CACNA2D1: variants seen among roughly 807,000 people sequenced by gnomAD.
CACNA2D1 encodes the protein calcium voltage-gated channel auxiliary subunit alpha2delta 1.
A neutral mutation model predicts 171.5 loss-of-function variants in CACNA2D1; 53 were observed. That is an observed-to-expected ratio of 0.31 (90% CI 0.25 to 0.39). The LOEUF is 0.39. Among genes scored for constraint, CACNA2D1 ranks in the 10% least tolerant of loss-of-function variants. The pLI, the probability that CACNA2D1 is intolerant of heterozygous loss-of-function variation, is 1.00. For missense variants in CACNA2D1, 903 were observed against 1,299.8 expected (o/e 0.69, Z 4.69); for synonymous variants, 442 against 443.1 (o/e 1.00, Z 0.03).
chr7:82,081,743 C>T (rs577663084), intron 7 of CACNA2D1, among the ~76,000 whole-genome samples: 8 of 152,310 alleles, frequency 5.3e-5, no homozygotes, highest in East Asian at 1.9e-4. Context: ...TGCTTGGGTC[C>T]GGGTTCACCG....
chr7:81,954,195 C>G (rs375596193), intron 38 of CACNA2D1, among the ~76,000 whole-genome samples: 10 of 151,772 alleles, frequency 6.6e-5, no homozygotes, highest in Admixed American at 2.6e-4. Flanking sequence ...GACACCATGA[C>G]CAGATATAAT....
At chr7:82,443,186 A>C (rs1158594955) in intron 1 of CACNA2D1, among the ~76,000 whole-genome samples, 179 bp downstream of exon 1, 1 of 151,764 alleles carries the variant, frequency 6.6e-6, no homozygotes, top group Non-Finnish European at 1.5e-5. Context: ...TTCGGGACGC[A>C]TTCCAGCGGC....
intron 26 of CACNA2D1, chr7:81,971,078 A>G (rs1438708735): frequency 7.5e-6 from 2 of 265,138 alleles, no homozygotes; most frequent in Non-Finnish European, 1.5e-5. Flanking sequence ...AAAAAAACGT[A>G]AGACAAAAGG....
chr7:82,229,033 T>G (rs1236879237), intron 3 of CACNA2D1, among the ~76,000 whole-genome samples: 1 of 152,172 alleles, frequency 6.6e-6, no homozygotes, highest in Non-Finnish European at 1.5e-5. Flanking sequence ...TTTAAAAAAT[T>G]TGGTAGCATT....
At chr7:82,403,393 T>C (rs3801670) in intron 1 of CACNA2D1, among the ~76,000 whole-genome samples, 7,140 of 152,214 alleles carry the variant, frequency 0.047, 186 homozygotes, top group Middle Eastern at 0.065. Flanking sequence ...CTCTTTTTGG[T>C]CGGTTGTAAA....
intron 3 of CACNA2D1, among the ~76,000 whole-genome samples, chr7:82,285,133 G>A (rs1810596442): frequency 6.6e-6 from 1 of 151,868 alleles, no homozygotes; most frequent in Admixed American, 6.6e-5. Context: ...CCTCCTCTCT[G>A]ATTCCCCTCT....
At chr7:81,951,261 T>C (rs1792486763) in intron 38 of CACNA2D1, among the ~76,000 whole-genome samples, 1 of 152,146 alleles carries the variant, frequency 6.6e-6, no homozygotes, top group African/African-American at 2.4e-5. Context: ...ATTCATCTTT[T>C]ATTCCTAGGT....
At chr7:82,121,719 A>T in intron 5 of CACNA2D1, among the ~76,000 whole-genome samples, 1 of 151,666 alleles carries the variant, frequency 6.6e-6, no homozygotes, top group East Asian at 1.9e-4. Context: ...AACAAAAAAT[A>T]AAATTTTGAA....
chr7:82,249,704 C>A (rs1248757671), intron 3 of CACNA2D1, among the ~76,000 whole-genome samples: 1 of 152,198 alleles, frequency 6.6e-6, no homozygotes, highest in African/African-American at 2.4e-5. Flanking sequence ...TATTAAAATA[C>A]CCTTGATGTG....
chr7:82,104,058 T>C (rs1813020675), intron 6 of CACNA2D1, among the ~76,000 whole-genome samples: 1 of 152,082 alleles, frequency 6.6e-6, no homozygotes, highest in Non-Finnish European at 1.5e-5. Flanking sequence ...CTAAAAGTTT[T>C]ATTCACAAGC....
At chr7:82,437,686 T>C (rs1317466836) in intron 1 of CACNA2D1, among the ~76,000 whole-genome samples, 1 of 130,110 alleles carries the variant, frequency 7.7e-6, no homozygotes, top group Non-Finnish European at 1.8e-5. Context: ...TCCTCGTTCA[T>C]AACCTGTACA....
intron 1 of CACNA2D1, among the ~76,000 whole-genome samples, chr7:82,417,824 T>G (rs1052207469): frequency 3.9e-5 from 6 of 152,136 alleles, no homozygotes; most frequent in African/African-American, 1.4e-4. Flanking sequence ...AAGGGGGAGA[T>G]CAGTGTGTGA....
intron 6 of CACNA2D1, among the ~76,000 whole-genome samples, chr7:82,115,183 A>G (rs960131739): frequency 1.2e-4 from 19 of 152,310 alleles, no homozygotes; most frequent in Non-Finnish European, 2.4e-4. Flanking sequence ...TTTTCTTCCA[A>G]TTGGAATTCA....
intron 3 of CACNA2D1, among the ~76,000 whole-genome samples, chr7:82,229,512 C>T (rs1802682233): frequency 6.6e-6 from 1 of 151,714 alleles, no homozygotes; most frequent in Admixed American, 6.6e-5. Context: ...TTTTTTTGGT[C>T]TCTGCTTCCA....
chr7:82,022,861 A>C (rs984703293), intron 12 of CACNA2D1, among the ~76,000 whole-genome samples: 3 of 151,890 alleles, frequency 2.0e-5, no homozygotes, highest in African/African-American at 7.2e-5. Context: ...CTTTATTTTG[A>C]AAGTTATTTC....
intron 3 of CACNA2D1, among the ~76,000 whole-genome samples, chr7:82,243,004 T>C (rs1263707989): frequency 1.3e-5 from 2 of 152,138 alleles, no homozygotes; most frequent in Non-Finnish European, 2.9e-5. Context: ...TTTTAAAGTA[T>C]TCAAAAACTG....
chr7:82,256,552 C>A (rs555818690), intron 3 of CACNA2D1, among the ~76,000 whole-genome samples: 1 of 152,186 alleles, frequency 6.6e-6, no homozygotes, highest in East Asian at 1.9e-4. Flanking sequence ...TAGGAAAATA[C>A]AGGCACACAC....
At chr7:82,346,942 T>C (rs117054034) in intron 2 of CACNA2D1, among the ~76,000 whole-genome samples, 5,500 of 152,328 alleles carry the variant, frequency 0.036, 143 homozygotes, top group Non-Finnish European at 0.051. Context: ...AATAGTTGTG[T>C]AACTTAGAAC....
chr7:82,281,395 G>A (rs539037452), intron 3 of CACNA2D1, among the ~76,000 whole-genome samples: 1 of 152,312 alleles, frequency 6.6e-6, no homozygotes, highest in East Asian at 1.9e-4. Flanking sequence ...ACAAAGGAGA[G>A]GGGTGGACTC....
Sources: gnomAD v4.1 joint callset for allele counts (sites outside exome capture counted in the v4.1 genomes callset) on GRCh38, gnomAD v4.1.1 for gene constraint, MANE v1.5 for transcripts, NCBI Gene and HGNC (gene_info 2026-07-23, HGNC 2026-07-21) for gene names.